Variants in MICU2 observed in about 807,000 individuals in gnomAD.
MICU2 encodes the protein calcium uptake protein 2, mitochondrial.
In MICU2, 64 loss-of-function variants were observed where a neutral mutation model predicts 60.4. The observed-to-expected ratio is 1.06, with a 90% confidence interval of 0.87 to 1.31. The LOEUF is 1.31. Ranked by LOEUF, MICU2 falls within the 50% of genes most tolerant of loss-of-function variation. MICU2 has a pLI of 0.00. For missense variants in MICU2, 569 were observed against 531.0 expected (o/e 1.07, Z -0.70); for synonymous variants, 201 against 175.0 (o/e 1.15, Z -1.17).
rs1885899421 is a variant in MICU2 at position 21,493,085 on chromosome 13, A to G, written c.*164T>C. The G allele has an allele frequency of 2.1e-6, 1 of 470,282 alleles. No homozygotes were observed. Among genetic ancestry groups the G allele is most frequent in the Non-Finnish European group, 3.7e-6 (1 of 269,446 alleles). The allele number at this position is 470,282 out of a possible 1,614,324, so 29.1% of individuals were successfully genotyped here. A position where few individuals can be genotyped will look rare whatever the true frequency, so the allele number is the denominator to read the frequency against. Reference sequence around the variant, plus strand: ...TATTTTTATACTTACTTTTCTTTCTACTAAGTTCTTTAATAAAATTATGAA... The same window carrying G: ...TATTTTTATACTTACTTTTCTTTCTGCTAAGTTCTTTAATAAAATTATGAA... On this transcript the variant is annotated 3_prime_UTR_variant, in exon 12 of 12. Transcript: ENST00000382374.
intron 4 of MICU2, among the ~76,000 whole-genome samples, chr13:21,538,526 T>G (rs1233571111): frequency 7.8e-6 from 1 of 128,988 alleles, no homozygotes; most frequent in African/African-American, 2.9e-5. Flanking sequence ...ACTGCGCCAC[T>G]GCACTCCAAC....
intron 4 of MICU2, among the ~76,000 whole-genome samples, chr13:21,524,386 A>G (rs1886797943): frequency 6.6e-6 from 1 of 152,144 alleles, no homozygotes; most frequent in Admixed American, 6.5e-5. Context: ...ACATATACAT[A>G]TCATTTCATA....
chr13:21,535,700 C>G (rs1474694483), intron 4 of MICU2, among the ~76,000 whole-genome samples: 5 of 152,096 alleles, frequency 3.3e-5, no homozygotes, highest in African/African-American at 9.7e-5. Context: ...ACCAGACACA[C>G]AGCAAGAAAA....
At chr13:21,579,834 T>C (rs1388145961) in intron 1 of MICU2, among the ~76,000 whole-genome samples, 1 of 152,292 alleles carries the variant, frequency 6.6e-6, no homozygotes, top group African/African-American at 2.4e-5. Flanking sequence ...AAAAAATCTA[T>C]GCTCTCAGTA....
At chr13:21,498,326 T>C (rs552616871) in intron 9 of MICU2, among the ~76,000 whole-genome samples, 2 of 151,302 alleles carry the variant, frequency 1.3e-5, no homozygotes, top group Admixed American at 1.3e-4. Context: ...TCCCCAGACA[T>C]GAGTTACCAA....
At chr13:21,571,852 G>A (rs1888119182) in intron 1 of MICU2, among the ~76,000 whole-genome samples, 1 of 152,206 alleles carries the variant, frequency 6.6e-6, no homozygotes. Context: ...ATGATGTAGA[G>A]GGTCTTTGAG....
chr13:21,540,810 G>C (rs1403722183), intron 2 of MICU2, among the ~76,000 whole-genome samples: 3 of 151,998 alleles, frequency 2.0e-5, no homozygotes, highest in Non-Finnish European at 4.4e-5. Flanking sequence ...TAATCAAATA[G>C]ATAAAAATTA....
chr13:21,540,385 T>G (rs1887252320), intron 2 of MICU2, among the ~76,000 whole-genome samples: 1 of 152,198 alleles, frequency 6.6e-6, no homozygotes. Context: ...TTTATTTTGT[T>G]TCTTACATAA....
intron 1 of MICU2, among the ~76,000 whole-genome samples, chr13:21,586,120 C>T (rs780748457): frequency 6.6e-6 from 1 of 152,120 alleles, no homozygotes; most frequent in Non-Finnish European, 1.5e-5. Flanking sequence ...CATCTCAGCT[C>T]TCATGGTTCA....
chr13:21,527,589 A>C (rs1374432654), intron 4 of MICU2, among the ~76,000 whole-genome samples: 1 of 152,244 alleles, frequency 6.6e-6, no homozygotes, highest in Non-Finnish European at 1.5e-5. Context: ...AAATGTTTTT[A>C]AAGAAAACTG....
intron 1 of MICU2, among the ~76,000 whole-genome samples, chr13:21,601,898 G>A (rs887776151): frequency 6.6e-6 from 1 of 151,886 alleles, no homozygotes; most frequent in African/African-American, 2.4e-5. Flanking sequence ...GAGGTCAGGA[G>A]ATCGAGACCA....
intron 2 of MICU2, among the ~76,000 whole-genome samples, chr13:21,554,155 T>C (rs952011947): frequency 2.6e-5 from 4 of 152,124 alleles, no homozygotes; most frequent in East Asian, 3.8e-4. Flanking sequence ...TATCCGGGAA[T>C]TGAACTCAGC....
intron 1 of MICU2, among the ~76,000 whole-genome samples, chr13:21,596,582 C>T (rs947464502): frequency 3.9e-5 from 6 of 152,026 alleles, no homozygotes; most frequent in Non-Finnish European, 5.9e-5. Flanking sequence ...CACCACCATG[C>T]CTGGCTAATT....
intron 7 of MICU2, among the ~76,000 whole-genome samples, chr13:21,511,657 C>T (rs1886430324): frequency 6.6e-6 from 1 of 152,144 alleles, no homozygotes; most frequent in Non-Finnish European, 1.5e-5. Context: ...ACAAGGATTC[C>T]TCATGTTGCT....
intron 6 of MICU2, among the ~76,000 whole-genome samples, chr13:21,517,573 C>A (rs959774384): frequency 6.6e-6 from 1 of 152,018 alleles, no homozygotes; most frequent in Non-Finnish European, 1.5e-5. Context: ...GTCAGGAGCT[C>A]GAGACCAGCC....
intron 1 of MICU2, among the ~76,000 whole-genome samples, chr13:21,575,591 G>A (rs1005439726): frequency 1.3e-5 from 2 of 151,604 alleles, no homozygotes; most frequent in African/African-American, 4.8e-5. Context: ...AGGCATGGTG[G>A]CTCACACCTG....
At chr13:21,503,129 A>C (rs759675299) in intron 8 of MICU2, 32 bp from the exon 9 acceptor site, 1 of 1,513,044 alleles carries the variant, frequency 6.6e-7, no homozygotes, top group Non-Finnish European at 9.0e-7. Flanking sequence ...TAGTAAGGTA[A>C]CTAGTGGCAT....
intron 6 of MICU2, among the ~76,000 whole-genome samples, chr13:21,515,139 TG>T (rs1886537798): frequency 6.6e-6 from 1 of 151,678 alleles, no homozygotes. Context: ...TGGAGTGCAG[TG>T]GCACGATCCC....
chr13:21,533,662 A>G (rs1887062195), intron 4 of MICU2, among the ~76,000 whole-genome samples: 1 of 152,084 alleles, frequency 6.6e-6, no homozygotes, highest in Non-Finnish European at 1.5e-5. Flanking sequence ...TGTGTTTAAT[A>G]CTGCCAGAAT....
Sources: allele counts gnomAD v4.1 joint callset (sites outside exome capture counted in the v4.1 genomes callset), GRCh38; gene constraint gnomAD v4.1.1; transcripts MANE v1.5; gene names NCBI Gene and HGNC (gene_info 2026-07-23, HGNC 2026-07-21).